Variants in IQGAP2 observed in about 807,000 individuals in gnomAD.
The protein encoded by IQGAP2 is IQ motif containing GTPase activating protein 2.
IQGAP2 carries 173 observed loss-of-function variants against 201.3 expected under a neutral mutation model. The ratio of observed to expected loss-of-function variants is 0.86; its 90% CI spans 0.76 to 0.98. The LOEUF is 0.98. IQGAP2 is among the 50% of genes least tolerant of loss of function. The pLI is 0.00. For synonymous variants in IQGAP2, 675 were observed against 673.9 expected (o/e 1.00, Z -0.03); for missense variants, 1,687 against 1,864.8 (o/e 0.90, Z 1.76).
intron 1 of IQGAP2, among the ~76,000 whole-genome samples, chr5:76,438,863 G>A (rs1346861726): frequency 6.6e-6 from 1 of 151,946 alleles, no homozygotes; most frequent in African/African-American, 2.4e-5. Flanking sequence ...TTTCACTGAC[G>A]TTTTGTATTT....
intron 32 of IQGAP2, among the ~76,000 whole-genome samples, chr5:76,696,160 A>C (rs2150546576): frequency 6.6e-6 from 1 of 152,318 alleles, no homozygotes; most frequent in South Asian, 2.1e-4. Flanking sequence ...GAGTTGAAAC[A>C]GACCAGAAAT....
At chr5:76,471,736 G>A (rs1232175598) in intron 2 of IQGAP2, among the ~76,000 whole-genome samples, 1 of 152,122 alleles carries the variant, frequency 6.6e-6, no homozygotes, top group Non-Finnish European at 1.5e-5. Context: ...CTTCTGACTG[G>A]GGAATACTTT....
In IQGAP2 at chr5:76,671,855, C is replaced by A; in HGVS notation, c.2940C>A (p.Thr980=). The stretch of plus-strand genomic sequence containing the variant: ...ATAGAGGTGCCCGGGGACAGAACAC[C>A]CTGCGCCAACTCCTGGCTCCAGTGG... ...SFNRGARGQN[T]LRQLLAPVVK... Residue 980 remains threonine (T), a synonymous_variant, in exon 24 of 36, where the codon ACC becomes ACA. Coordinates refer to ENST00000274364, the MANE Select transcript of IQGAP2 (RefSeq NM_006633.5). 6.2e-7 allele frequency: 1 copy of A among 1,613,922 alleles called. No individual in the cohort carries two copies. Among genetic ancestry groups the A allele is most frequent in the Non-Finnish European group, 8.5e-7 (1 of 1,179,976 alleles).
chr5:76,510,060 C>G lies in IQGAP2; in HGVS notation c.146+48391C>G, dbSNP rs573086842. ...TGTCACCCAGGCTGGAGTACAGCAG[C>G]TCAATCTCAGCTCACTGTGAACTCC... On this transcript the variant is annotated intron_variant, in intron 2 of 35. Transcript: ENST00000274364. 1.3e-4 allele frequency among the ~76,000 whole-genome samples: 19 copies of G among 149,664 alleles called. No individual in the cohort carries two copies. In the South Asian group the frequency reaches 2.7e-3, roughly 22 times the overall value.
At chr5:76,444,455 C>A (rs1290026778) in intron 1 of IQGAP2, among the ~76,000 whole-genome samples, 1 of 152,132 alleles carries the variant, frequency 6.6e-6, no homozygotes, top group Non-Finnish European at 1.5e-5. Flanking sequence ...CCCACTACCA[C>A]ACCTGGCTAA....
chr5:76,538,476 C>T (rs1487333381), intron 2 of IQGAP2, among the ~76,000 whole-genome samples: 2 of 152,194 alleles, frequency 1.3e-5, no homozygotes, highest in African/African-American at 4.8e-5. Flanking sequence ...GGACCCAGAG[C>T]TGACCTCTGC....
At chr5:76,487,506 G>A (rs1580300208) in intron 2 of IQGAP2, among the ~76,000 whole-genome samples, 3 of 152,280 alleles carry the variant, frequency 2.0e-5, no homozygotes, top group Admixed American at 2.0e-4. Flanking sequence ...ATTGAAGTTG[G>A]CTTTTATTTG....
chr5:76,415,224 G>A (rs1169505928), intron 1 of IQGAP2, among the ~76,000 whole-genome samples: 1 of 152,150 alleles, frequency 6.6e-6, no homozygotes, highest in Non-Finnish European at 1.5e-5. Context: ...GAATAATGTG[G>A]ACAAAATAGA....
At chr5:76,405,019 G>A (rs542467770) in intron 1 of IQGAP2, among the ~76,000 whole-genome samples, 35 of 152,340 alleles carry the variant, frequency 2.3e-4, no homozygotes, top group African/African-American at 8.4e-4. Flanking sequence ...AATGTGACCA[G>A]CTCTCAGAAT....
chr5:76,551,274 C>A (rs1299612790), intron 2 of IQGAP2, among the ~76,000 whole-genome samples: 1 of 149,730 alleles, frequency 6.7e-6, no homozygotes, highest in East Asian at 2.0e-4. Context: ...GGGGCAGAGG[C>A]GCTCCCCACA....
intron 2 of IQGAP2, among the ~76,000 whole-genome samples, chr5:76,509,547 A>G (rs77968877): frequency 0.061 from 9,281 of 151,994 alleles, 289 homozygotes; most frequent in African/African-American, 0.073. Flanking sequence ...GCCTGCCACC[A>G]TGCCCGGCTA....
chr5:76,567,615 C>T (rs140566421), intron 3 of IQGAP2, among the ~76,000 whole-genome samples: 6 of 152,074 alleles, frequency 3.9e-5, no homozygotes, highest in African/African-American at 1.2e-4. Flanking sequence ...ACTTGAAGTC[C>T]AAATATTATG....
chr5:76,419,091 G>A (rs1751574396), intron 1 of IQGAP2, among the ~76,000 whole-genome samples: 3 of 152,110 alleles, frequency 2.0e-5, no homozygotes, highest in Admixed American at 2.0e-4. Flanking sequence ...ACTATCCTCT[G>A]TTTATTTGGG....
At chr5:76,664,220 A>C (rs1743522236) in intron 21 of IQGAP2, among the ~76,000 whole-genome samples, 1 of 152,204 alleles carries the variant, frequency 6.6e-6, no homozygotes, top group Non-Finnish European at 1.5e-5. Flanking sequence ...AGGCTATCAT[A>C]TGGTTATTAA....
chr5:76,658,425 C>T, intron 20 of IQGAP2, 34 bp from the exon 21 acceptor site: 1 of 1,512,734 alleles, frequency 6.6e-7, no homozygotes, highest in Non-Finnish European at 9.2e-7. Flanking sequence ...TCCAAGCTTT[C>T]CTAATTAAAG....
chr5:76,535,604 G>C (rs1252282178), intron 2 of IQGAP2, among the ~76,000 whole-genome samples: 1 of 152,178 alleles, frequency 6.6e-6, no homozygotes, highest in Non-Finnish European at 1.5e-5. Flanking sequence ...GTGACAAAAT[G>C]GCTTGAGTCA....
At chr5:76,445,160 A>G (rs1446966834) in intron 1 of IQGAP2, among the ~76,000 whole-genome samples, 1 of 152,188 alleles carries the variant, frequency 6.6e-6, no homozygotes, top group Admixed American at 6.5e-5. Flanking sequence ...CCATTTCTAC[A>G]TGAAATGATT....
intron 2 of IQGAP2, among the ~76,000 whole-genome samples, chr5:76,465,534 T>G (rs150148978): frequency 1.3e-5 from 2 of 152,302 alleles, no homozygotes; most frequent in African/African-American, 4.8e-5. Flanking sequence ...GCCAGGCAGT[T>G]AGGCAAGAAA....
intron 6 of IQGAP2, 114 bp from the exon 7 acceptor site, chr5:76,589,501 A>G: frequency 1.7e-6 from 1 of 581,392 alleles, no homozygotes; most frequent in Admixed American, 3.6e-5. Flanking sequence ...CTTGTTTACA[A>G]ACAACCCCAC....
Sources: gnomAD v4.1 joint callset for allele counts (sites outside exome capture counted in the v4.1 genomes callset) on GRCh38, gnomAD v4.1.1 for gene constraint, MANE v1.5 for transcripts, NCBI Gene and HGNC (gene_info 2026-07-23, HGNC 2026-07-21) for gene names.